The following CADM2 variants were observed in gnomAD, a reference collection of about 807,000 sequenced individuals.
The protein encoded by CADM2 is cell adhesion molecule 2.
CADM2 carries 12 observed loss-of-function variants against 49.8 expected under a neutral mutation model. The observed-to-expected ratio is 0.24, with a 90% confidence interval of 0.15 to 0.39. The LOEUF is 0.39. Ranked by LOEUF, CADM2 falls within the 10% of genes least tolerant of loss-of-function variation. The pLI is 1.00. For synonymous variants in CADM2, 214 were observed against 175.4 expected, an observed-to-expected ratio of 1.22 and a Z score of -1.74; for missense variants, 378 against 492.3, an observed-to-expected ratio of 0.77 and a Z score of 2.20.
intron 8 of CADM2, among the ~76,000 whole-genome samples, chr3:85,999,976 G>T (rs572285367): frequency 1.3e-5 from 2 of 152,160 alleles, no homozygotes; most frequent in Non-Finnish European, 2.9e-5. Flanking sequence ...GGAGAAAAAA[G>T]AGATGTTGAA....
intron 8 of CADM2, among the ~76,000 whole-genome samples, chr3:86,036,364 C>T (rs1344763035): frequency 6.6e-6 from 1 of 152,034 alleles, no homozygotes; most frequent in African/African-American, 2.4e-5. Flanking sequence ...GTATTTTGTA[C>T]CATTCTTCTG....
intron 1 of CADM2, among the ~76,000 whole-genome samples, chr3:85,096,235 G>A (rs2037789280): frequency 2.0e-5 from 3 of 152,098 alleles, no homozygotes; most frequent in Admixed American, 1.3e-4. Flanking sequence ...AGTACAGTGA[G>A]TTAAATTTTG....
intron 8 of CADM2, among the ~76,000 whole-genome samples, chr3:86,010,517 C>A (rs907977375): frequency 6.0e-5 from 9 of 151,200 alleles, no homozygotes; most frequent in African/African-American, 2.2e-4. Flanking sequence ...GACAAATATA[C>A]AAAATCTTCA....
intron 1 of CADM2, among the ~76,000 whole-genome samples, chr3:85,573,166 T>G (rs2062531505): frequency 3.1e-5 from 1 of 32,382 alleles, no homozygotes; most frequent in Admixed American, 3.7e-4. Flanking sequence ...ATTTTATTTA[T>G]TTATTTATTT....
chr3:85,125,229 CGGTAAACCAAAATATATTAATAA>C (rs1575926863), intron 1 of CADM2, among the ~76,000 whole-genome samples: 1 of 152,010 alleles, frequency 6.6e-6, no homozygotes, highest in East Asian at 1.9e-4. Context: ...GAGGAGAACA[CGGTAAACCAAAATATATTAATAA>C]GGAAGTGGCA....
intron 3 of CADM2, among the ~76,000 whole-genome samples, chr3:85,882,818 G>T (rs1313075854): frequency 1.3e-5 from 2 of 152,264 alleles, no homozygotes; most frequent in East Asian, 3.9e-4. Flanking sequence ...ATCAGCTCAA[G>T]TTGAAATAGT....
intron 1 of CADM2, among the ~76,000 whole-genome samples, chr3:85,682,840 T>G (rs1396122593): frequency 2.0e-5 from 3 of 152,098 alleles, no homozygotes; most frequent in Non-Finnish European, 4.4e-5. Context: ...GACTATATAA[T>G]GAGTCTTCTG....
In CADM2 at chr3:85,257,045, T is replaced by G. The variant is rs578026485; in HGVS notation, c.61+297377T>G. ...TTTCCTAACATCTCTAGGTGACAGC[T>G]GTAATTACTTAATCATATTTTATGA... On this transcript the variant is annotated intron_variant, in intron 1 of 9. Coordinates refer to ENST00000383699, the MANE Select transcript of CADM2 (RefSeq NM_001167675.2). Among the ~76,000 whole-genome samples, 4 of 152,250 alleles carry G rather than the reference T, an allele frequency of 2.6e-5. No individual in the cohort carries two copies. The East Asian group carries it at 7.7e-4, about 29-fold the overall frequency.
intron 8 of CADM2, among the ~76,000 whole-genome samples, chr3:86,017,030 C>A (rs1732339023): frequency 1.3e-5 from 2 of 151,764 alleles, no homozygotes; most frequent in South Asian, 2.1e-4. Flanking sequence ...CATTTTCTAA[C>A]CACTGTATAT....
At chr3:85,508,819 G>C (rs576550146) in intron 1 of CADM2, among the ~76,000 whole-genome samples, 2 of 128,654 alleles carry the variant, frequency 1.6e-5, no homozygotes, top group East Asian at 4.7e-4. Flanking sequence ...CATCCTGAAA[G>C]GATATCTCTG....
chr3:85,657,723 T>TACAG (rs2065249219), intron 1 of CADM2, among the ~76,000 whole-genome samples: 1 of 111,816 alleles, frequency 8.9e-6, no homozygotes, highest in Non-Finnish European at 1.9e-5. Flanking sequence ...GATATATATA[T>TACAG]ATACAGATAT....
At chr3:85,214,926 G>A (rs951548844) in intron 1 of CADM2, among the ~76,000 whole-genome samples, 7 of 152,082 alleles carry the variant, frequency 4.6e-5, no homozygotes, top group African/African-American at 1.7e-4. Flanking sequence ...GGAGACTCCA[G>A]GAGGCTGTTT....
At chr3:85,308,569 A>G (rs938138556) in intron 1 of CADM2, among the ~76,000 whole-genome samples, 2 of 152,012 alleles carry the variant, frequency 1.3e-5, no homozygotes, top group African/African-American at 2.4e-5. Flanking sequence ...AATTCTACAG[A>G]GCCATTAACT....
chr3:85,077,533 T>C (rs1181463323), intron 1 of CADM2, among the ~76,000 whole-genome samples: 1 of 152,142 alleles, frequency 6.6e-6, no homozygotes. Flanking sequence ...GCTAACTCTA[T>C]TCTTGTAAAC....
intron 5 of CADM2, among the ~76,000 whole-genome samples, chr3:85,897,617 ATTTC>A (rs1432228735): frequency 1.3e-5 from 2 of 151,518 alleles, no homozygotes; most frequent in Non-Finnish European, 2.9e-5. Flanking sequence ...CGATTTTTTT[ATTTC>A]TTTATTTCTT....
intron 1 of CADM2, among the ~76,000 whole-genome samples, chr3:85,341,016 T>G (rs970412207): frequency 2.6e-5 from 4 of 151,856 alleles, no homozygotes; most frequent in Admixed American, 6.6e-5. Context: ...ACTAAAATCT[T>G]AGTCACTGTG....
intron 1 of CADM2, among the ~76,000 whole-genome samples, chr3:85,006,866 A>G (rs1316522827): frequency 6.6e-6 from 1 of 152,108 alleles, no homozygotes; most frequent in Non-Finnish European, 1.5e-5. Flanking sequence ...CTTATGTCCT[A>G]TAGTGTCTCT....
intron 1 of CADM2, among the ~76,000 whole-genome samples, chr3:85,445,883 T>C (rs1260213370): frequency 6.6e-6 from 1 of 152,158 alleles, no homozygotes; most frequent in Admixed American, 6.5e-5. Context: ...AACTGTACTG[T>C]TACATGCAAT....
chr3:85,108,710 A>T (rs1185651197), intron 1 of CADM2, among the ~76,000 whole-genome samples: 1 of 152,296 alleles, frequency 6.6e-6, no homozygotes, highest in East Asian at 1.9e-4. Context: ...TTAAAAAAAT[A>T]AAATGGCAGA....
Sources: allele counts gnomAD v4.1 joint callset (sites outside exome capture counted in the v4.1 genomes callset), GRCh38; gene constraint gnomAD v4.1.1; transcripts MANE v1.5; gene names NCBI Gene and HGNC (gene_info 2026-07-23, HGNC 2026-07-21).